Variants in KIAA0319 observed in about 807,000 individuals in gnomAD.
KIAA0319 encodes the protein dyslexia-associated protein KIAA0319.
Under a neutral mutation model 108.4 loss-of-function variants are expected in KIAA0319, and 83 were observed. The ratio of observed to expected loss-of-function variants is 0.77; its 90% confidence interval spans 0.64 to 0.92. The LOEUF (loss-of-function observed/expected upper bound fraction) is 0.92, where lower values mean the gene tolerates loss of function less well. Ranked by LOEUF, KIAA0319 falls within the 40% of genes least tolerant of loss-of-function variation. The pLI is 0.00. For synonymous variants in KIAA0319, 484 were observed against 510.4 expected, an observed-to-expected ratio of 0.95 and a Z score of 0.70; for missense variants, 1,195 against 1,322.4, an observed-to-expected ratio of 0.90 and a Z score of 1.49.
intron 1 of KIAA0319, among the ~76,000 whole-genome samples, chr6:24,606,029 G>A (rs943808032): frequency 6.6e-6 from 1 of 151,956 alleles, no homozygotes; most frequent in Admixed American, 6.6e-5. Context: ...CCGCCTCCCG[G>A]GGTTCAAGCG....
chr6:24,629,116 A>G (rs1775139247), intron 1 of KIAA0319, among the ~76,000 whole-genome samples: 1 of 152,216 alleles, frequency 6.6e-6, no homozygotes, highest in African/African-American at 2.4e-5. Flanking sequence ...TTCTAAGTTT[A>G]AGGTGAAAAA....
chr6:24,598,367 T>C, intron 2 of KIAA0319: 1 of 645,272 alleles, frequency 1.5e-6, no homozygotes, highest in Non-Finnish European at 2.9e-6. Context: ...GTATGGTTCC[T>C]GGAGCAGCAG....
In KIAA0319 at chr6:24,576,737, G is replaced by C. The variant is rs192322697; in HGVS notation, c.1506-141C>G. The C allele has an allele frequency of 2.6e-4, 176 of 674,252 alleles. 3 individuals carry two copies. The Admixed American group carries it at 3.3e-3, about 12-fold the overall frequency. The allele number at this position is 674,252 out of a possible 1,614,324, so 41.8% of individuals were successfully genotyped here. On this transcript the variant is annotated intron_variant, in intron 9 of 20. Transcript: ENST00000378214. ...GAGTTCTGAGACCAGCTGGGCCATAGAAGGAGACTCTGTCTCTATTTAATT... is the reference window on the plus strand; with the variant it reads ...GAGTTCTGAGACCAGCTGGGCCATACAAGGAGACTCTGTCTCTATTTAATT...
intron 1 of KIAA0319, among the ~76,000 whole-genome samples, chr6:24,634,405 G>A (rs1453433825): frequency 2.0e-5 from 3 of 152,196 alleles, no homozygotes; most frequent in African/African-American, 7.2e-5. Flanking sequence ...CATAATGGGT[G>A]ACAAAAGATG....
In KIAA0319 at chr6:24,558,365, C is replaced by CTAGATAGATAGA. The variant is rs59328032; in HGVS notation, c.2734+636_2734+647dup. Among the ~76,000 whole-genome samples the CTAGATAGATAGA allele has an allele frequency of 6.8e-3, 1,029 of 150,890 alleles. 8 individuals carry two copies. Among genetic ancestry groups the CTAGATAGATAGA allele is most frequent in the African/African-American group, 0.01 (422 of 41,096 alleles). On this transcript the variant is annotated intron_variant, in intron 17 of 20. Coordinates refer to ENST00000378214, the MANE Select transcript of KIAA0319 (RefSeq NM_014809.4). Reference sequence around the variant, plus strand: ...CAATTGTAGATGGATATATATATATCTAGATAGATAGATAGATAGATAGAT... The same window carrying CTAGATAGATAGA: ...CAATTGTAGATGGATATATATATATCTAGATAGATAGATAGATAGATAGATAGATAGATAGAT...
intron 1 of KIAA0319, 42 bp from the exon 2 acceptor site, chr6:24,601,250 G>A (rs1267790095): frequency 4.6e-5 from 68 of 1,477,706 alleles, no homozygotes; most frequent in Non-Finnish European, 6.1e-5. Flanking sequence ...GAAAAGAATA[G>A]GTAAATGTAG....
intron 11 of KIAA0319, 28 bp from the exon 12 acceptor site, chr6:24,570,063 G>T: frequency 6.2e-7 from 1 of 1,608,616 alleles, no homozygotes. Context: ...GTGTGAAAAA[G>T]TATTATCTCT....
chr6:24,579,909 G>T lies in KIAA0319; in HGVS notation c.1321C>A (p.Gln441Lys). ...NLPPVAVVSP[Q>K]LQELTLPLTS... ...AAAGGCAAAGTGAGCTCTTGCAGTT[G>T]GGGAGAAACAACTGCTACAGGTGGC... Residue 441 changes from glutamine to lysine, a missense_variant, in exon 8 of 21, where the codon CAA (glutamine) becomes AAA (lysine). By Grantham distance (53) the Gln-to-Lys change is moderately conservative. Transcript: ENST00000378214. 6.2e-7 allele frequency: 1 copy of T among 1,602,672 alleles called. No homozygotes were observed. Among genetic ancestry groups the T allele is most frequent in the Non-Finnish European group, 8.5e-7 (1 of 1,174,058 alleles).
intron 2 of KIAA0319, chr6:24,598,987 C>T: frequency 3.0e-6 from 2 of 671,768 alleles, no homozygotes. Context: ...CTGGAGGAGT[C>T]TCGCCTGGAA....
intron 2 of KIAA0319, among the ~76,000 whole-genome samples, chr6:24,597,464 G>A (rs915484121): frequency 6.6e-6 from 1 of 152,158 alleles, no homozygotes; most frequent in African/African-American, 2.4e-5. Flanking sequence ...TCACCTGAAT[G>A]GGGGCTGTTT....
intron 2 of KIAA0319, chr6:24,598,995 GA>G: frequency 1.5e-6 from 1 of 687,738 alleles, no homozygotes. Context: ...GTCTCGCCTG[GA>G]AGGGCTGAAT....
chr6:24,557,522 A>T (rs967637960), intron 17 of KIAA0319, among the ~76,000 whole-genome samples: 1 of 152,248 alleles, frequency 6.6e-6, no homozygotes, highest in Non-Finnish European at 1.5e-5. Context: ...TAGCAAAAAC[A>T]TAACATTGTC....
chr6:24,567,958 T>G (rs1037837977), intron 13 of KIAA0319, among the ~76,000 whole-genome samples: 1 of 152,172 alleles, frequency 6.6e-6, no homozygotes, highest in African/African-American at 2.4e-5. Flanking sequence ...TCTCTACTTT[T>G]ATGCATGGTT....
At chr6:24,540,631 A>C (rs1581832712), downstream of KIAA0319, among the ~76,000 whole-genome samples, 1 of 141,164 alleles carries the variant, frequency 7.1e-6, no homozygotes, top group East Asian at 2.0e-4. Context: ...AATTAGTTGG[A>C]GAAATGGTGA....
intron 1 of KIAA0319, 199 bp downstream of exon 1, chr6:24,645,537 T>C (rs930570016): frequency 2.6e-5 from 4 of 152,138 alleles, no homozygotes; most frequent in African/African-American, 9.7e-5. Context: ...ACACTCAAAT[T>C]TCCCCGACTC....
intron 16 of KIAA0319, among the ~76,000 whole-genome samples, chr6:24,562,560 C>T (rs961621019): frequency 1.3e-5 from 2 of 152,182 alleles, no homozygotes; most frequent in African/African-American, 4.8e-5. Flanking sequence ...TAAAATTCAG[C>T]CAGGCATGGT....
In KIAA0319 at chr6:24,594,636, A is replaced by AAC. The variant is rs1554164503; in HGVS notation, c.801+1236_801+1237insGT. On this transcript the variant is annotated intron_variant, in intron 3 of 20. Transcript: ENST00000378214. ...AGCAAGACTCTGTCTCACAAAAAAA[A>AAC]AACAACAAAAAAAAAAAACACTTAA... Among the ~76,000 whole-genome samples the AAC allele has an allele frequency of 1.0e-3, 90 of 88,816 alleles. 1 individual carries two copies. Among genetic ancestry groups the AAC allele is most frequent in the Admixed American group, 2.6e-3 (20 of 7,784 alleles). The allele number at this position is 88,816 out of a possible 152,430, so 58.3% of individuals were successfully genotyped here.
At chr6:24,626,306 A>G (rs560216032) in intron 1 of KIAA0319, among the ~76,000 whole-genome samples, 38 of 152,272 alleles carry the variant, frequency 2.5e-4, no homozygotes, top group African/African-American at 8.4e-4. Flanking sequence ...TCGAGATGAG[A>G]GAATCACTTG....
chr6:24,575,384 C>T (rs1040447628), intron 10 of KIAA0319, among the ~76,000 whole-genome samples: 6 of 151,894 alleles, frequency 4.0e-5, no homozygotes, highest in Non-Finnish European at 7.4e-5. Flanking sequence ...TTTTTTTTAA[C>T]CGTGAAAATA....
Sources: gnomAD v4.1 joint callset for allele counts (sites outside exome capture counted in the v4.1 genomes callset) on GRCh38, gnomAD v4.1.1 for gene constraint, MANE v1.5 for transcripts, NCBI Gene and HGNC (gene_info 2026-07-23, HGNC 2026-07-21) for gene names.